KALRN: variants seen among roughly 807,000 people sequenced by gnomAD.
KALRN encodes kalirin RhoGEF kinase, also known as kalirin.
KALRN carries 70 observed loss-of-function variants against 353.7 expected under a neutral mutation model. The observed-to-expected ratio is 0.20, with a 90% CI of 0.16 to 0.24. The LOEUF (loss-of-function observed/expected upper bound fraction) is 0.24. KALRN is among the 10% of genes least tolerant of loss of function. The pLI, the probability that KALRN is intolerant of heterozygous loss-of-function variation, is 1.00. For synonymous variants in KALRN, 1,391 were observed against 1,434.8 expected, an observed-to-expected ratio of 0.97 and a Z score of 0.69; for missense variants, 2,791 against 3,756.7, an observed-to-expected ratio of 0.74 and a Z score of 6.72.
At chr3:124,547,591 G>A (rs2069854661) in intron 33 of KALRN, among the ~76,000 whole-genome samples, 1 of 152,150 alleles carries the variant, frequency 6.6e-6, no homozygotes, top group Non-Finnish European at 1.5e-5. Flanking sequence ...TAGGGCATGA[G>A]CCACCATGCC....
intron 33 of KALRN, among the ~76,000 whole-genome samples, chr3:124,501,434 G>T (rs571761552): frequency 6.6e-6 from 1 of 152,294 alleles, no homozygotes; most frequent in African/African-American, 2.4e-5. Flanking sequence ...TCAATGTAGT[G>T]GGTCATGACC....
intron 38 of KALRN, among the ~76,000 whole-genome samples, chr3:124,652,584 T>C (rs1158216084): frequency 2.0e-5 from 3 of 152,138 alleles, no homozygotes; most frequent in Non-Finnish European, 4.4e-5. Context: ...CAGTCACTAC[T>C]CTTTTTTTTT....
chr3:124,102,664 T>C (rs1265555997), intron 1 of KALRN, among the ~76,000 whole-genome samples: 1 of 152,250 alleles, frequency 6.6e-6, no homozygotes, highest in Non-Finnish European at 1.5e-5. Context: ...TAGTTTCTTG[T>C]CAGGGATAAT....
At chr3:124,078,349 C>T (rs1214450797) in intron 1 of KALRN, among the ~76,000 whole-genome samples, 1 of 152,162 alleles carries the variant, frequency 6.6e-6, no homozygotes, top group Non-Finnish European at 1.5e-5. Context: ...GCTGCCTAGA[C>T]TTGGGTTCCA....
At chr3:124,642,107 C>T (rs904796643) in intron 37 of KALRN, among the ~76,000 whole-genome samples, 1 of 152,076 alleles carries the variant, frequency 6.6e-6, no homozygotes, top group African/African-American at 2.4e-5. Context: ...CACGGTGAAA[C>T]CCCATATCTA....
At chr3:124,382,705 T>C (rs1008207365) in intron 10 of KALRN, among the ~76,000 whole-genome samples, 2 of 152,208 alleles carry the variant, frequency 1.3e-5, no homozygotes, top group African/African-American at 4.8e-5. Context: ...TCTCTAGGGT[T>C]CTTGCGGGGG....
At chr3:124,689,010 G>T (rs1327556936) in intron 51 of KALRN, among the ~76,000 whole-genome samples, 1 of 152,274 alleles carries the variant, frequency 6.6e-6, no homozygotes, top group African/African-American at 2.4e-5. Flanking sequence ...GGGAGGAAGC[G>T]CTGCCACCTG....
At chr3:124,367,059 G>A (rs1302696372) in intron 10 of KALRN, among the ~76,000 whole-genome samples, 9 of 137,890 alleles carry the variant, frequency 6.5e-5, no homozygotes, top group Non-Finnish European at 1.4e-4. Context: ...CCGGGCGGGG[G>A]GCTGACCCCC....
chr3:124,139,749 G>A (rs1309955059), intron 1 of KALRN, among the ~76,000 whole-genome samples: 2 of 152,164 alleles, frequency 1.3e-5, no homozygotes, highest in African/African-American at 2.4e-5. Flanking sequence ...TTGGATGTGA[G>A]GAGATCATGG....
chr3:124,453,042 C>G (rs577386371), intron 21 of KALRN, among the ~76,000 whole-genome samples: 1 of 152,024 alleles, frequency 6.6e-6, no homozygotes, highest in East Asian at 1.9e-4. Context: ...TAAAAAACAC[C>G]CTACATGCAA....
At chr3:124,211,459 G>A (rs939856810) in intron 1 of KALRN, among the ~76,000 whole-genome samples, 1 of 152,184 alleles carries the variant, frequency 6.6e-6, no homozygotes, top group East Asian at 1.9e-4. Context: ...TCCATAGCCT[G>A]TAGAAAAGAA....
At chr3:124,690,441 C>T (rs1169064730) in intron 51 of KALRN, among the ~76,000 whole-genome samples, 2 of 152,118 alleles carry the variant, frequency 1.3e-5, no homozygotes, top group Non-Finnish European at 2.9e-5. Context: ...TAGTGTGGAC[C>T]TTGCCCAGGC....
At chr3:124,050,015 C>T (rs2040877833) in intron 1 of KALRN, among the ~76,000 whole-genome samples, 1 of 152,038 alleles carries the variant, frequency 6.6e-6, no homozygotes, top group Non-Finnish European at 1.5e-5. Context: ...TATGTTCCTC[C>T]ACTTCTCTTC....
chr3:124,110,469 GCACA>G lies in KALRN; in HGVS notation c.73+76681_73+76684del, dbSNP rs1553768422. The stretch of plus-strand genomic sequence containing the variant: ...ATATATTTCATATATACACACGCGC[GCACA>G]CACACACACACACACACACACACAT... On this transcript the variant is annotated intron_variant, in intron 1 of 59. Transcript: ENST00000682506. Among the ~76,000 whole-genome samples, 414 of 134,042 alleles carry G rather than the reference GCACA, an allele frequency of 3.1e-3. 5 individuals carry two copies. Among genetic ancestry groups the G allele is most frequent in the African/African-American group, 0.011 (375 of 33,378 alleles). The allele number at this position is 134,042 out of a possible 152,430, so 87.9% of individuals were successfully genotyped here. A position where few individuals can be genotyped will look rare whatever the true frequency, so the allele number is the denominator to read the frequency against.
intron 34 of KALRN, among the ~76,000 whole-genome samples, chr3:124,567,242 C>T (rs1471561317): frequency 2.0e-5 from 3 of 152,096 alleles, no homozygotes; most frequent in South Asian, 2.1e-4. Flanking sequence ...TGCACTAGCC[C>T]GGTCTCCTCT....
At chr3:124,429,890 T>A (rs527805133) in intron 15 of KALRN, among the ~76,000 whole-genome samples, 1 of 152,056 alleles carries the variant, frequency 6.6e-6, no homozygotes, top group East Asian at 1.9e-4. Flanking sequence ...TCTTTTCTCC[T>A]TTTTTGGGGT....
chr3:124,618,055 G>A (rs2078818777), intron 34 of KALRN, among the ~76,000 whole-genome samples: 1 of 147,050 alleles, frequency 6.8e-6, no homozygotes, highest in Admixed American at 6.8e-5. Flanking sequence ...GAGTGCCAGT[G>A]GGAATGGAAA....
chr3:124,395,650 A>T (rs2090072211), intron 12 of KALRN: 4 of 360,458 alleles, frequency 1.1e-5, no homozygotes, highest in African/African-American at 2.1e-5. Context: ...AATAATTAAG[A>T]ATTAGGGCAT....
Position 124,036,883 on chromosome 3 carries a change from A to G in KALRN, c.73+3070A>G, listed in dbSNP as rs181027522. On this transcript the variant is annotated intron_variant, in intron 1 of 59. Coordinates refer to ENST00000682506, the MANE Select transcript of KALRN (RefSeq NM_001388419.1). ...TTTTGGTGTTTCAATCCCTTGACCA[A>G]TTGGTTAAGCTAGATTCCCTAAATC... Among the ~76,000 whole-genome samples, 238 of 152,314 alleles carry G rather than the reference A, an allele frequency of 1.6e-3. 1 individual carries two copies. Among genetic ancestry groups the G allele is most frequent in the Admixed American group, 5.2e-3 (80 of 15,294 alleles).
Sources: allele counts gnomAD v4.1 joint callset (sites outside exome capture counted in the v4.1 genomes callset), GRCh38; gene constraint gnomAD v4.1.1; transcripts MANE v1.5; gene names NCBI Gene and HGNC (gene_info 2026-07-23, HGNC 2026-07-21).